Variants in RYR3 observed in about 807,000 individuals in gnomAD.
The protein encoded by RYR3 is ryanodine receptor 3.
In RYR3, 207 loss-of-function variants were observed where a neutral mutation model predicts 584.3. That is an observed-to-expected ratio of 0.35 (90% CI 0.32 to 0.40). The LOEUF (loss-of-function observed/expected upper bound fraction) is 0.40, where lower values mean the gene tolerates loss of function less well. Among genes scored for constraint, RYR3 ranks in the 10% least tolerant of loss-of-function variants. RYR3 has a pLI of 1.00. For missense variants in RYR3, 5,616 were observed against 6,089.2 expected (o/e 0.92, Z 2.59); for synonymous variants, 2,416 against 2,248.5 (o/e 1.07, Z -2.11).
intron 4 of RYR3, among the ~76,000 whole-genome samples, chr15:33,531,984 T>C (rs1342521892): frequency 1.3e-5 from 2 of 152,336 alleles, no homozygotes; most frequent in East Asian, 3.9e-4. Context: ...AAGACTTGCA[T>C]TATTTACATT....
chr15:33,575,370 T>C (rs2058244920), intron 12 of RYR3, among the ~76,000 whole-genome samples: 1 of 152,176 alleles, frequency 6.6e-6, no homozygotes, highest in African/African-American at 2.4e-5. Context: ...AGTCACATAA[T>C]TGCAAGTAAA....
chr15:33,735,643 A>C (rs1014859258), intron 48 of RYR3, among the ~76,000 whole-genome samples: 1 of 152,154 alleles, frequency 6.6e-6, no homozygotes, highest in Non-Finnish European at 1.5e-5. Context: ...CTACCTCAAA[A>C]TTTATTTGTG....
rs137914685 is a variant in RYR3 at position 33,527,525 on chromosome 15, A to G, written c.280-3067A>G. On this transcript the variant is annotated intron_variant, in intron 3 of 103. Transcript: ENST00000634891. ...CTCAAACCTGGGAGGCAGAGGTTGCAGTGAGCCGAGATTGCACCACTGCAC... is the reference window on the plus strand; with the variant it reads ...CTCAAACCTGGGAGGCAGAGGTTGCGGTGAGCCGAGATTGCACCACTGCAC... 7.3e-4 allele frequency among the ~76,000 whole-genome samples: 111 copies of G among 151,330 alleles called. No homozygotes were observed. In the East Asian group the frequency reaches 0.021, roughly 29 times the overall value.
intron 47 of RYR3, among the ~76,000 whole-genome samples, chr15:33,729,568 T>C (rs2068773311): frequency 6.6e-6 from 1 of 151,854 alleles, no homozygotes; most frequent in Non-Finnish European, 1.5e-5. Context: ...CTGACGAAGG[T>C]CAATACAAGA....
chr15:33,780,085 T>C lies in RYR3; in HGVS notation c.9138-126T>C. 3 of 1,071,766 alleles carry C rather than the reference T, an allele frequency of 2.8e-6. No homozygotes were observed. The South Asian group carries it at 4.8e-5, about 17-fold the overall frequency. 66.4% of individuals were successfully genotyped at this position (1,071,766 alleles called of 1,614,324 possible). ...GAGAAAGAGGAGGGGAAGAAGTGCA[T>C]GCAAGCTTGCTGAGCCTAGTGCCTA... On this transcript the variant is annotated intron_variant, in intron 64 of 103. Coordinates refer to ENST00000634891, the MANE Select transcript of RYR3 (RefSeq NM_001036.6).
chr15:33,861,860 G>C (rs1888355699), intron 102 of RYR3, among the ~76,000 whole-genome samples: 1 of 151,996 alleles, frequency 6.6e-6, no homozygotes, highest in Admixed American at 6.5e-5. Context: ...CCTGACCTCA[G>C]GTGATCTGCC....
chr15:33,752,596 G>A (rs1378771707), intron 57 of RYR3, among the ~76,000 whole-genome samples: 6 of 152,202 alleles, frequency 3.9e-5, no homozygotes, highest in Non-Finnish European at 8.8e-5. Flanking sequence ...CTGAGACTTT[G>A]CTGAAGTTGA....
Position 33,613,238 on chromosome 15 carries a change from C to T in RYR3, c.2220C>T (p.Asp740=), listed in dbSNP as rs780714493. ...SINQHLLRSD[D]VVSCCLDLGV... is the part of the protein sequence containing the mutation. ...ACCAGCACCTCCTGAGATCGGATGACGTGGTAAGCTGCTGCCTGGACCTCG... is the reference window on the plus strand; with the variant it reads ...ACCAGCACCTCCTGAGATCGGATGATGTGGTAAGCTGCTGCCTGGACCTCG... Residue 740 remains aspartate, a synonymous_variant, in exon 19 of 104, where the codon GAC becomes GAT. Transcript: ENST00000634891. The T allele has an allele frequency of 4.2e-5, 67 of 1,613,770 alleles. No individual in the cohort carries two copies. Among genetic ancestry groups the T allele is most frequent in the South Asian group, 2.7e-4 (25 of 91,070 alleles).
intron 3 of RYR3, among the ~76,000 whole-genome samples, chr15:33,509,262 ATGT>A (rs1379258766): frequency 6.6e-6 from 1 of 152,232 alleles, no homozygotes; most frequent in Non-Finnish European, 1.5e-5. Flanking sequence ...AGATTTAGAC[ATGT>A]TGTGCAAACT....
intron 1 of RYR3, among the ~76,000 whole-genome samples, chr15:33,351,645 C>T (rs1272423428): frequency 6.6e-6 from 1 of 150,558 alleles, no homozygotes; most frequent in African/African-American, 2.5e-5. Flanking sequence ...ATAAACAGAA[C>T]CAAAGACAAA....
At chr15:33,639,266 C>T (rs1237856777) in intron 27 of RYR3, among the ~76,000 whole-genome samples, 1 of 152,176 alleles carries the variant, frequency 6.6e-6, no homozygotes, top group Non-Finnish European at 1.5e-5. Context: ...TAGAATTGTA[C>T]TGTAATGTGT....
chr15:33,653,699 AATGTGTTTC>A (rs2062639569), intron 32 of RYR3, among the ~76,000 whole-genome samples: 1 of 152,016 alleles, frequency 6.6e-6, no homozygotes, highest in Non-Finnish European at 1.5e-5. Flanking sequence ...TTATATAAAC[AATGTGTTTC>A]CTCATTTCCT....
intron 31 of RYR3, among the ~76,000 whole-genome samples, chr15:33,650,367 C>A (rs2062395648): frequency 6.6e-6 from 1 of 152,054 alleles, no homozygotes; most frequent in Non-Finnish European, 1.5e-5. Flanking sequence ...CAGAGCAAGT[C>A]TCTGTCTCAA....
At chr15:33,556,650 T>C (rs752791876) in intron 10 of RYR3, among the ~76,000 whole-genome samples, 4 of 152,204 alleles carry the variant, frequency 2.6e-5, no homozygotes, top group African/African-American at 9.6e-5. Flanking sequence ...TTGAGAAACA[T>C]GAACCTGTAG....
chr15:33,732,984 T>C (rs570507409), intron 48 of RYR3, among the ~76,000 whole-genome samples: 1 of 152,244 alleles, frequency 6.6e-6, no homozygotes, highest in Admixed American at 6.5e-5. Flanking sequence ...AAAAAAAAAC[T>C]CATCGGTCCT....
intron 1 of RYR3, among the ~76,000 whole-genome samples, chr15:33,434,822 G>T (rs576362555): frequency 2.9e-4 from 44 of 151,908 alleles, no homozygotes; most frequent in Admixed American, 1.8e-3. Context: ...TACATTTTTT[G>T]TTGTTGTTGT....
intron 27 of RYR3, 21 bp from the exon 28 acceptor site, chr15:33,644,290 G>T: frequency 1.9e-6 from 3 of 1,593,124 alleles, no homozygotes; most frequent in East Asian, 2.3e-5. Context: ...GCTAAAGCAG[G>T]TCTCTCTAAC....
chr15:33,447,785 T>C (rs557797689), intron 1 of RYR3, among the ~76,000 whole-genome samples: 25 of 152,296 alleles, frequency 1.6e-4, no homozygotes, highest in African/African-American at 5.8e-4. Flanking sequence ...TCACTGAAAG[T>C]TCTTTTGTTC....
chr15:33,622,224 A>G (rs1260650559), intron 19 of RYR3, among the ~76,000 whole-genome samples: 1 of 152,182 alleles, frequency 6.6e-6, no homozygotes, highest in Non-Finnish European at 1.5e-5. Context: ...CGGGGCTCAT[A>G]GACCCTGCCT....
Sources: allele counts gnomAD v4.1 joint callset (sites outside exome capture counted in the v4.1 genomes callset), GRCh38; gene constraint gnomAD v4.1.1; transcripts MANE v1.5; gene names NCBI Gene and HGNC (gene_info 2026-07-23, HGNC 2026-07-21).